The following ZC3H4 variants were observed in gnomAD, a reference collection of about 807,000 sequenced individuals.
The protein encoded by ZC3H4 is zinc finger CCCH-type containing 4, also known as zinc finger CCCH domain-containing protein 4.
Under a neutral mutation model 108.3 loss-of-function variants are expected in ZC3H4, and 13 were observed. That is an observed-to-expected ratio of 0.12 (90% confidence interval 0.08 to 0.19). The LOEUF is 0.19. Among genes scored for constraint, ZC3H4 ranks in the 10% least tolerant of loss-of-function variants. ZC3H4 has a pLI of 1.00. For synonymous variants in ZC3H4, 917 were observed against 749.6 expected, an observed-to-expected ratio of 1.22 and a Z score of -3.65; for missense variants, 1,734 against 1,838.8, an observed-to-expected ratio of 0.94 and a Z score of 1.04.
At chr19:47,069,975 C>A (rs961317989) in intron 13 of ZC3H4, among the ~76,000 whole-genome samples, 1 of 152,196 alleles carries the variant, frequency 6.6e-6, no homozygotes, top group Non-Finnish European at 1.5e-5. Context: ...CACCTCACCC[C>A]ACACACTCCC....
intron 11 of ZC3H4, among the ~76,000 whole-genome samples, chr19:47,076,590 T>G (rs956376988): frequency 6.6e-6 from 1 of 152,210 alleles, no homozygotes; most frequent in Admixed American, 6.5e-5. Flanking sequence ...GCGCAGTGGC[T>G]CACGCCTGTA....
In ZC3H4 at chr19:47,085,089, G is replaced by A. The variant is rs758657748; in HGVS notation, c.1074C>T (p.Asn358=). Residue 358 remains asparagine, a synonymous_variant, in exon 8 of 15, where the codon AAC becomes AAT. Coordinates refer to ENST00000253048, the MANE Select transcript of ZC3H4 (RefSeq NM_015168.2). ...CCTCGTCATAGAAGTCTTCGTCATC[G>A]TTCATTCCGCCCTTGTTCATCCCTC... ...SRGGMNKGGM[N]DDEDFYDEDM... 33 of 1,614,062 alleles carry A rather than the reference G, an allele frequency of 2.0e-5. No homozygotes were observed. Among genetic ancestry groups the A allele is most frequent in the African/African-American group, 2.7e-5 (2 of 74,920 alleles).
At chr19:47,113,326 G>T (rs1425634216) in intron 1 of ZC3H4, 3 of 153,438 alleles carry the variant, frequency 2.0e-5, no homozygotes, top group African/African-American at 7.2e-5. Flanking sequence ...GCGAGGAGGC[G>T]ACGGGGGAGA....
rs146805205 is a variant in ZC3H4, at chr19:47,072,941, A to C, written c.1441-228T>G. 0.018 allele frequency among the ~76,000 whole-genome samples: 2,668 copies of C among 152,260 alleles called. 70 individuals are homozygous for C. The highest frequency in any genetic ancestry group is 0.061 in the African/African-American group (2,531 of 41,530). ...GGGGGGGCCATTCCTGCTCTATGGC[A>C]AAATACACATAACAAAGCATACTGT... is the stretch of plus-strand genomic sequence containing the variant. On this transcript the variant is annotated intron_variant, in intron 11 of 14. Coordinates refer to ENST00000253048, the MANE Select transcript of ZC3H4 (RefSeq NM_015168.2). This position sits in a 1 kb window ranked among gnomAD's most constrained non-coding sequence, Gnocchi z 5.6.
intron 13 of ZC3H4, 95 bp from the exon 14 acceptor site, chr19:47,069,438 C>A: frequency 6.8e-7 from 1 of 1,467,222 alleles, no homozygotes; most frequent in Non-Finnish European, 9.1e-7. Context: ...ACACCGATGG[C>A]GATGGAGAAG....
In ZC3H4 at chr19:47,065,545, TACTG is replaced by T. The variant is rs1314203893; in HGVS notation, c.*807_*810del. 2 of 152,610 alleles carry T rather than the reference TACTG, an allele frequency of 1.3e-5. No individual in the cohort carries two copies. Among genetic ancestry groups the T allele is most frequent in the African/African-American group, 4.8e-5 (2 of 41,370 alleles). 9.5% of individuals were successfully genotyped at this position (152,610 alleles called of 1,614,324 possible). The stretch of plus-strand genomic sequence containing the variant: ...CCACCTGATAGGACAGGTGGGGTAA[TACTG>T]ACAGAACGTGCGTGCTCCTAGGGGC... On this transcript the variant is annotated 3_prime_UTR_variant, in exon 15 of 15. Transcript: ENST00000253048.
At chr19:47,086,246 T>C in intron 6 of ZC3H4, 138 bp downstream of exon 6, 3 of 946,766 alleles carry the variant, frequency 3.2e-6, no homozygotes, top group Non-Finnish European at 4.8e-6. Flanking sequence ...CACATACATC[T>C]GCGCTCTGAG....
intron 9 of ZC3H4, among the ~76,000 whole-genome samples, chr19:47,083,904 C>T (rs1472485308): frequency 6.6e-6 from 1 of 152,022 alleles, no homozygotes; most frequent in African/African-American, 2.4e-5. Flanking sequence ...ACTCTGTGGT[C>T]ATTGGTCCAT....
At position 47,108,238 on chromosome 19, in the gene ZC3H4, G is replaced by C. The variant is rs533812714; in HGVS notation, c.161+4186C>G. ...TATTCACTCTGTCACTCAACTCTCG[G>C]TGTGAATCGGACCCAGTTGCTCTGG... On this transcript the variant is annotated intron_variant, in intron 2 of 14. Coordinates refer to ENST00000253048, the MANE Select transcript of ZC3H4 (RefSeq NM_015168.2). Among the ~76,000 whole-genome samples the C allele has an allele frequency of 3.9e-5, 6 of 152,272 alleles. No homozygotes were observed. In the East Asian group the frequency reaches 9.6e-4, roughly 24 times the overall value.
chr19:47,113,409 A>C (rs988253806), intron 1 of ZC3H4: 9 of 152,592 alleles, frequency 5.9e-5, no homozygotes, highest in African/African-American at 2.2e-4. Flanking sequence ...AGCCATAAAT[A>C]GCCTAAGCCG....
chr19:47,074,598 T>G (rs2057385499), intron 11 of ZC3H4, among the ~76,000 whole-genome samples: 1 of 152,302 alleles, frequency 6.6e-6, no homozygotes, highest in Non-Finnish European at 1.5e-5. Flanking sequence ...CACTGTCCAG[T>G]AAGAGGGGCT....
chr19:47,072,823 T>C lies in ZC3H4; in HGVS notation c.1441-110A>G. 1 of 1,306,988 alleles carries C rather than the reference T, an allele frequency of 7.7e-7. No homozygotes were observed. The highest frequency in any genetic ancestry group is 1.5e-5 in the African/African-American group (1 of 67,984). 81.0% of individuals were successfully genotyped at this position (1,306,988 alleles called of 1,614,324 possible). ...AGGAAAAGTCCATAATACAAGGACC[T>C]TGAGATCTAAAGGCATAAAGACCAC... On this transcript the variant is annotated intron_variant, in intron 11 of 14. Coordinates refer to ENST00000253048, the MANE Select transcript of ZC3H4 (RefSeq NM_015168.2). The surrounding 1 kb of genome is among the most constrained non-coding windows in gnomAD (Gnocchi z 5.6).
At chr19:47,094,176 G>T (rs1372297070) in intron 3 of ZC3H4, 96 bp from the exon 4 acceptor site, 1 of 1,304,464 alleles carries the variant, frequency 7.7e-7, no homozygotes, top group African/African-American at 1.5e-5. Context: ...ATGTGCCGCA[G>T]GGCTCTGCGC....
rs2057578850 is a variant in ZC3H4 at position 47,084,430 on chromosome 19, C to T, written c.1133G>A (p.Ser378Asn). ...MGDGGGGSYR[S>N]RDHDKPHQQS... ...CTGGTGGGGCTTGTCATGGTCACGACTCCGGTAGCTTCCACCACCACCGTC... is the reference window on the plus strand; with the variant it reads ...CTGGTGGGGCTTGTCATGGTCACGATTCCGGTAGCTTCCACCACCACCGTC... The change falls in exon 9 of 15, where the codon AGT becomes AAT. Residue 378 changes from serine (S) to asparagine (N), a missense_variant. Physicochemically the swap from Ser to Asn is conservative, Grantham distance 46 (BLOSUM62 1). Coordinates refer to ENST00000253048, the MANE Select transcript of ZC3H4 (RefSeq NM_015168.2). 8 of 1,614,226 alleles carry T rather than the reference C, an allele frequency of 5.0e-6. No homozygotes were observed. Among genetic ancestry groups the T allele is most frequent in the Non-Finnish European group, 6.8e-6 (8 of 1,180,044 alleles).
Position 47,112,464 on chromosome 19 carries a change from G to A in ZC3H4, c.121C>T (p.Pro41Ser), listed in dbSNP as rs1019639627. The A allele has an allele frequency of 3.3e-6, 4 of 1,223,604 alleles. No homozygotes were observed. Among genetic ancestry groups the A allele is most frequent in the South Asian group, 4.0e-5 (1 of 24,708 alleles). The allele number at this position is 1,223,604 out of a possible 1,614,324, so 75.8% of individuals were successfully genotyped here. Residue 41 changes from proline to serine, a missense_variant, in exon 2 of 15, where the codon CCG becomes TCG. Transcript: ENST00000253048. Reference protein sequence around the residue: ...PCSPDARPATPHLLHHRLPLP... With the variant: ...PCSPDARPATSHLLHHRLPLP... ...GGGAGGCGGTGGTGGAGGAGGTGCGGGGTGGCCGGGCGGGCGTCGGGGGAA... is the reference window on the plus strand; with the variant it reads ...GGGAGGCGGTGGTGGAGGAGGTGCGAGGTGGCCGGGCGGGCGTCGGGGGAA...
At chr19:47,088,701 G>C (rs191364532) in intron 5 of ZC3H4, among the ~76,000 whole-genome samples, 2 of 152,058 alleles carry the variant, frequency 1.3e-5, no homozygotes. Context: ...GTGTTGCCCA[G>C]GCTGGCCTCC....
chr19:47,081,427 T>G (rs369289899), intron 11 of ZC3H4, 86 bp downstream of exon 11: 10 of 1,073,790 alleles, frequency 9.3e-6, no homozygotes, highest in Non-Finnish European at 1.3e-5. Flanking sequence ...CTGCAGAGGC[T>G]GGACAGGCAG....
At chr19:47,105,894 G>A (rs1466314903) in intron 2 of ZC3H4, among the ~76,000 whole-genome samples, 1 of 152,186 alleles carries the variant, frequency 6.6e-6, no homozygotes, top group South Asian at 2.1e-4. Context: ...CCCACAGTCT[G>A]AAAAATAGCA....
intron 4 of ZC3H4, among the ~76,000 whole-genome samples, chr19:47,092,342 T>A (rs1252265376): frequency 1.3e-5 from 2 of 152,178 alleles, no homozygotes; most frequent in Non-Finnish European, 2.9e-5. Flanking sequence ...TGCCTCCAGC[T>A]CTAGTTCATA....
Sources: gnomAD v4.1 joint callset for allele counts (sites outside exome capture counted in the v4.1 genomes callset) on GRCh38, gnomAD v4.1.1 for gene constraint, Gnocchi (gnomAD v3.1) non-coding constraint, MANE v1.5 for transcripts, NCBI Gene and HGNC (gene_info 2026-07-23, HGNC 2026-07-21) for gene names.